The following NAALADL2 variants were observed in gnomAD, a reference collection of about 807,000 sequenced individuals.
The protein encoded by NAALADL2 is N-acetylated alpha-linked acidic dipeptidase like 2.
NAALADL2 carries 76 observed loss-of-function variants against 87.2 expected under a neutral mutation model. That is an observed-to-expected ratio of 0.87 (90% CI 0.72 to 1.05). The LOEUF (loss-of-function observed/expected upper bound fraction) is 1.05, where lower values mean the gene tolerates loss of function less well. Ranked by LOEUF, NAALADL2 falls within the 50% of genes least tolerant of loss-of-function variation. The probability of loss-of-function intolerance (pLI) is 0.00; values close to 1 mark genes in which losing one functional copy is unlikely to be tolerated. For synonymous variants in NAALADL2, 354 were observed against 331.0 expected (o/e 1.07, Z -0.75); for missense variants, 1,089 against 945.8 (o/e 1.15, Z -1.99).
intron 1 of NAALADL2, among the ~76,000 whole-genome samples, chr3:174,983,538 G>A (rs1376663447): frequency 6.6e-6 from 1 of 152,138 alleles, no homozygotes. Context: ...AGATCAAGGA[G>A]CCAGCTGATT....
intron 6 of NAALADL2, among the ~76,000 whole-genome samples, chr3:175,449,567 G>T (rs1311171286): frequency 1.3e-5 from 2 of 151,606 alleles, no homozygotes; most frequent in Non-Finnish European, 2.9e-5. Flanking sequence ...CTAATTTTTT[G>T]TATTTTCAGT....
intron 2 of NAALADL2, among the ~76,000 whole-genome samples, chr3:175,106,258 G>C (rs1290461072): frequency 1.3e-5 from 2 of 151,932 alleles, no homozygotes; most frequent in Non-Finnish European, 2.9e-5. Flanking sequence ...CAAAATGTTG[G>C]AACCATTAAT....
At chr3:174,671,515 AG>A (rs1331690688) in intron 2 of NAALADL2, among the ~76,000 whole-genome samples, 2 of 152,122 alleles carry the variant, frequency 1.3e-5, no homozygotes, top group Non-Finnish European at 2.9e-5. Flanking sequence ...AGAGAACAGG[AG>A]GAACTGTTTC....
At chr3:174,991,017 T>C (rs978021050) in intron 1 of NAALADL2, among the ~76,000 whole-genome samples, 7 of 152,172 alleles carry the variant, frequency 4.6e-5, no homozygotes, top group Non-Finnish European at 8.8e-5. Context: ...ATGTATGCAT[T>C]ATACGTAAAT....
intron 2 of NAALADL2, among the ~76,000 whole-genome samples, chr3:174,621,695 G>A (rs1325878785): frequency 6.6e-6 from 1 of 152,092 alleles, no homozygotes; most frequent in Non-Finnish European, 1.5e-5. Context: ...TTGACTCTGT[G>A]TTTCCACAAC....
rs527988376 is a variant in NAALADL2 at position 174,832,525 on chromosome 3, G to A, written c.-9+94779G>A. On this transcript the variant is annotated intron_variant, in intron 3 of 3. Coordinates refer to the NAALADL2 transcript ENST00000434257. ...CATCCAGGCTGGAGTGCAGTGGCTC[G>A]ATCTCAGCTCACTGCAAGCTCTGCC... Among the ~76,000 whole-genome samples the A allele has an allele frequency of 7.9e-5, 12 of 151,938 alleles. No individual in the cohort carries two copies. The East Asian group carries it at 1.9e-3, about 24-fold the overall frequency.
chr3:174,673,960 AG>A (rs1726806521), intron 2 of NAALADL2, among the ~76,000 whole-genome samples: 1 of 151,968 alleles, frequency 6.6e-6, no homozygotes, highest in African/African-American at 2.4e-5. Context: ...AAAAATTGGC[AG>A]CTGTTTTAGG....
At chr3:175,143,965 T>G in intron 2 of NAALADL2, among the ~76,000 whole-genome samples, 1 of 145,318 alleles carries the variant, frequency 6.9e-6, no homozygotes, top group East Asian at 2.0e-4. Flanking sequence ...TCTATCTTCA[T>G]GAAAAATTGA....
In NAALADL2 at chr3:175,803,413, A is replaced by C. The variant is rs970996695; in HGVS notation, c.*210A>C. 1.9e-5 allele frequency: 7 copies of C among 362,288 alleles called. No homozygotes were observed. Among genetic ancestry groups the C allele is most frequent in the African/African-American group, 1.5e-4 (7 of 47,772 alleles). The allele number at this position is 362,288 out of a possible 1,614,324, so 22.4% of individuals were successfully genotyped here. On this transcript the variant is annotated 3_prime_UTR_variant, in exon 14 of 14. Coordinates refer to ENST00000454872, the MANE Select transcript of NAALADL2 (RefSeq NM_207015.3). ...CTTATATCTACATTTCTGAATATGTAAAGCAAGTTATTGAAATAGGACTTA... is the reference window on the plus strand; with the variant it reads ...CTTATATCTACATTTCTGAATATGTCAAGCAAGTTATTGAAATAGGACTTA...
chr3:175,757,574 T>C (rs578088269), intron 13 of NAALADL2, among the ~76,000 whole-genome samples: 1 of 152,158 alleles, frequency 6.6e-6, no homozygotes, highest in Non-Finnish European at 1.5e-5. Context: ...ATCCATACTT[T>C]ACGTAATTTT....
intron 9 of NAALADL2, among the ~76,000 whole-genome samples, chr3:175,473,777 CT>C (rs946543598): frequency 6.6e-6 from 1 of 151,656 alleles, no homozygotes; most frequent in Non-Finnish European, 1.5e-5. Flanking sequence ...TACATAAAGC[CT>C]TTTTTTGAAA....
At chr3:175,591,110 A>G (rs28600986) in intron 10 of NAALADL2, among the ~76,000 whole-genome samples, 10,314 of 152,206 alleles carry the variant, frequency 0.068, 743 homozygotes, top group African/African-American at 0.18. Flanking sequence ...ATAGGAAAAA[A>G]TGACACTTCA....
At chr3:175,577,021 C>A (rs1039626396) in intron 10 of NAALADL2, among the ~76,000 whole-genome samples, 41 of 152,082 alleles carry the variant, frequency 2.7e-4, no homozygotes, top group African/African-American at 9.7e-4. Context: ...TTTTTAATAG[C>A]ATTGAGTAAT....
intron 5 of NAALADL2, among the ~76,000 whole-genome samples, chr3:175,412,337 G>T (rs1713691731): frequency 6.6e-6 from 1 of 152,158 alleles, no homozygotes; most frequent in Admixed American, 6.5e-5. Context: ...AAAGAAGCAA[G>T]CATTTAATGG....
chr3:175,798,517 G>C (rs1316333368), intron 13 of NAALADL2, among the ~76,000 whole-genome samples: 1 of 151,954 alleles, frequency 6.6e-6, no homozygotes, highest in East Asian at 1.9e-4. Context: ...ATCCATTTCT[G>C]CTCATAGGGC....
At chr3:175,593,474 G>A (rs768290903) in intron 10 of NAALADL2, among the ~76,000 whole-genome samples, 7 of 152,076 alleles carry the variant, frequency 4.6e-5, no homozygotes, top group Admixed American at 6.6e-5. Context: ...CAGTGTATTC[G>A]TTTCTTGGAG....
At chr3:175,294,813 T>C (rs73184740) in intron 4 of NAALADL2, among the ~76,000 whole-genome samples, 15,133 of 152,266 alleles carry the variant, frequency 0.099, 1,015 homozygotes, top group Middle Eastern at 0.16. Context: ...TTTATTTTCA[T>C]CTGACAGAAA....
chr3:174,605,092 C>A (rs1718864183), intron 2 of NAALADL2, among the ~76,000 whole-genome samples: 1 of 152,130 alleles, frequency 6.6e-6, no homozygotes, highest in Non-Finnish European at 1.5e-5. Flanking sequence ...ACGTAGCTTG[C>A]AAATACCATC....
intron 4 of NAALADL2, among the ~76,000 whole-genome samples, chr3:175,265,365 G>C (rs1410525845): frequency 5.9e-5 from 9 of 151,470 alleles, no homozygotes; most frequent in Admixed American, 5.9e-4. Flanking sequence ...TAGGTAAGAT[G>C]GTGCTTAAGA....
Sources: gnomAD v4.1 joint callset for allele counts (sites outside exome capture counted in the v4.1 genomes callset) on GRCh38, gnomAD v4.1.1 for gene constraint, MANE v1.5 for transcripts, NCBI Gene and HGNC (gene_info 2026-07-23, HGNC 2026-07-21) for gene names.